Variants in NXPE2 observed in about 807,000 individuals in gnomAD.
The protein encoded by NXPE2 is neurexophilin and PC-esterase domain family member 2.
A neutral mutation model predicts 34.4 loss-of-function variants in NXPE2; 34 were observed. The observed-to-expected ratio is 0.99, with a 90% CI of 0.75 to 1.31. The LOEUF (loss-of-function observed/expected upper bound fraction) is 1.31, where lower values mean the gene tolerates loss of function less well. NXPE2 is among the 40% of genes most tolerant of loss of function. The pLI is 0.00. For missense variants in NXPE2, 649 were observed against 672.5 expected (o/e 0.97, Z 0.39); for synonymous variants, 235 against 231.3 (o/e 1.02, Z -0.15).
chr11:114,781,531 G>A, the NXPE2 span, among the ~76,000 whole-genome samples: 1 of 152,150 alleles, frequency 6.6e-6, no homozygotes, highest in Non-Finnish European at 1.5e-5. Flanking sequence ...AAAATGAGTT[G>A]GTGGGAGATA....
chr11:114,727,025 A>G, the NXPE2 span, among the ~76,000 whole-genome samples: 1 of 152,036 alleles, frequency 6.6e-6, no homozygotes, highest in Non-Finnish European at 1.5e-5. Context: ...ATGATAATCT[A>G]GGCTTTTTCT....
chr11:114,535,208 ATACTT>A, the NXPE2 span, among the ~76,000 whole-genome samples: 81 of 152,216 alleles, frequency 5.3e-4, 1 homozygote, highest in Non-Finnish European at 9.7e-4. Flanking sequence ...GAGAAATACA[ATACTT>A]TACAGACAAG....
At chr11:114,804,361 C>T in the NXPE2 span, among the ~76,000 whole-genome samples, 13 of 152,284 alleles carry the variant, frequency 8.5e-5, no homozygotes, top group East Asian at 9.7e-4. Context: ...TCATCTCCAG[C>T]TAGATTCTAT....
chr11:114,733,175 C>A, the NXPE2 span, among the ~76,000 whole-genome samples: 1 of 152,174 alleles, frequency 6.6e-6, no homozygotes, highest in Non-Finnish European at 1.5e-5. Context: ...CGGCTTACTG[C>A]AAGCTCCGCC....
At chr11:114,728,169 C>A in the NXPE2 span, among the ~76,000 whole-genome samples, 3 of 152,072 alleles carry the variant, frequency 2.0e-5, no homozygotes, top group African/African-American at 7.2e-5. Flanking sequence ...AAGCCTTCTA[C>A]CCCTCTCTCT....
At chr11:114,730,374 G>T in the NXPE2 span, among the ~76,000 whole-genome samples, 10 of 152,156 alleles carry the variant, frequency 6.6e-5, no homozygotes, top group African/African-American at 2.2e-4. Context: ...GATCGCTTTG[G>T]CTACTTGGGC....
At chr11:114,650,694 CA>C in the NXPE2 span, among the ~76,000 whole-genome samples, 1 of 152,144 alleles carries the variant, frequency 6.6e-6, no homozygotes, top group Admixed American at 6.6e-5. Context: ...CTGCTACCAT[CA>C]TAAGTAGGGC....
chr11:114,601,620 T>TTA, the NXPE2 span, among the ~76,000 whole-genome samples: 4 of 1,356 alleles, frequency 2.9e-3, no homozygotes, highest in African/African-American at 6.8e-3. Flanking sequence ...TAATTATATA[T>TTA]TATATATTAT....
At chr11:114,557,720 ATTC>A in the NXPE2 span, among the ~76,000 whole-genome samples, 2 of 139,674 alleles carry the variant, frequency 1.4e-5, no homozygotes, top group Non-Finnish European at 3.1e-5. Flanking sequence ...CTTCTTTTTC[ATTC>A]TTCTTTGCCG....
the NXPE2 span, among the ~76,000 whole-genome samples, chr11:114,655,918 T>G: frequency 6.6e-6 from 1 of 152,166 alleles, no homozygotes. Flanking sequence ...GTTTTGGAAC[T>G]TCTGGCTAGG....
At chr11:114,517,024 C>A in the NXPE2 span, among the ~76,000 whole-genome samples, 2 of 152,172 alleles carry the variant, frequency 1.3e-5, no homozygotes, top group African/African-American at 2.4e-5. Flanking sequence ...AGGGACCACA[C>A]CTGTCCTGTT....
At chr11:114,496,206 G>T in the NXPE2 span, among the ~76,000 whole-genome samples, 1 of 152,148 alleles carries the variant, frequency 6.6e-6, no homozygotes, top group Non-Finnish European at 1.5e-5. Flanking sequence ...TTCTGGGATG[G>T]ACAACTTGCC....
chr11:114,810,727 C>G, the NXPE2 span, among the ~76,000 whole-genome samples: 2 of 152,222 alleles, frequency 1.3e-5, no homozygotes, highest in Non-Finnish European at 2.9e-5. Flanking sequence ...GGAACACTTT[C>G]ACATTGTTGG....
chr11:114,793,125 A>G, the NXPE2 span, among the ~76,000 whole-genome samples: 12 of 152,196 alleles, frequency 7.9e-5, no homozygotes, highest in African/African-American at 2.9e-4. Context: ...CATCCATCAC[A>G]TGACAGTTCT....
chr11:114,522,721 T>C, the NXPE2 span, among the ~76,000 whole-genome samples: 1 of 152,118 alleles, frequency 6.6e-6, no homozygotes, highest in Admixed American at 6.5e-5. Context: ...ACATTTCTTA[T>C]GAAAGAAGGA....
At chr11:114,634,258 C>G in the NXPE2 span, among the ~76,000 whole-genome samples, 5 of 151,892 alleles carry the variant, frequency 3.3e-5, no homozygotes, top group Admixed American at 1.3e-4. Flanking sequence ...GCATAAATGT[C>G]TTCTTTTGAG....
the NXPE2 span, among the ~76,000 whole-genome samples, chr11:114,547,296 C>T: frequency 6.6e-6 from 1 of 152,162 alleles, no homozygotes. Context: ...GATCTTCCTT[C>T]CCTAAACCCA....
chr11:114,630,458 C>T, the NXPE2 span, among the ~76,000 whole-genome samples: 4 of 151,734 alleles, frequency 2.6e-5, no homozygotes, highest in Admixed American at 2.6e-4. Context: ...GCTGGGAAAA[C>T]TGGCTAGCCA....
chr11:114,802,190 C>T, the NXPE2 span, among the ~76,000 whole-genome samples: 1 of 152,154 alleles, frequency 6.6e-6, no homozygotes, highest in Non-Finnish European at 1.5e-5. Flanking sequence ...GTGGGTCTGA[C>T]CTCAGGGACA....
Sources: gnomAD v4.1 joint callset for allele counts (sites outside exome capture counted in the v4.1 genomes callset) on GRCh38, gnomAD v4.1.1 for gene constraint, MANE v1.5 for transcripts, NCBI Gene and HGNC (gene_info 2026-07-23, HGNC 2026-07-21) for gene names.